CTNNA3: variants seen among roughly 807,000 people sequenced by gnomAD.
CTNNA3 encodes catenin alpha 3.
In CTNNA3, 76 loss-of-function variants were observed where a neutral mutation model predicts 95.7. The ratio of observed to expected loss-of-function variants is 0.79; its 90% CI spans 0.66 to 0.96. The LOEUF (loss-of-function observed/expected upper bound fraction) is 0.96. Among genes scored for constraint, CTNNA3 ranks in the 40% least tolerant of loss-of-function variants. The probability of loss-of-function intolerance (pLI) is 0.00; values close to 1 mark genes in which losing one functional copy is unlikely to be tolerated. For synonymous variants in CTNNA3, 431 were observed against 374.4 expected, an observed-to-expected ratio of 1.15 and a Z score of -1.74; for missense variants, 1,191 against 1,089.8, an observed-to-expected ratio of 1.09 and a Z score of -1.31.
Position 67,672,700 on chromosome 10 carries a change from T to G in CTNNA3, c.-6+23300A>C, listed in dbSNP as rs552562137. ...TGAGGCATTATTTCTGAGGGCTCTG[T>G]TCTGTTCCATTGGTCGATATCTCTG... On this transcript the variant is annotated intron_variant, in intron 1 of 17. Coordinates refer to ENST00000433211, the MANE Select transcript of CTNNA3 (RefSeq NM_013266.4). Among the ~76,000 whole-genome samples, 22 of 152,320 alleles carry G rather than the reference T, an allele frequency of 1.4e-4. 1 individual carries two copies. The South Asian group carries it at 4.3e-3, about 30-fold the overall frequency.
chr10:66,989,251 T>G lies in CTNNA3; in HGVS notation c.1047+191066A>C, dbSNP rs149598254. On this transcript the variant is annotated intron_variant, in intron 7 of 17. Coordinates refer to ENST00000433211, the MANE Select transcript of CTNNA3 (RefSeq NM_013266.4). ...GCCCTCCTAGGGGTCAATATTTAACTCTTTAATTAATCAACTGTTATTTTA... is the reference window on the plus strand; with the variant it reads ...GCCCTCCTAGGGGTCAATATTTAACGCTTTAATTAATCAACTGTTATTTTA... Among the ~76,000 whole-genome samples the G allele has an allele frequency of 1.8e-3, 271 of 152,254 alleles. 3 individuals are homozygous for G. Among genetic ancestry groups the G allele is most frequent in the Non-Finnish European group, 4.3e-4 (29 of 68,012 alleles).
intron 11 of CTNNA3, among the ~76,000 whole-genome samples, chr10:66,488,612 G>A (rs920269577): frequency 2.0e-5 from 3 of 152,138 alleles, no homozygotes; most frequent in African/African-American, 7.2e-5. Flanking sequence ...TCCCTACAGT[G>A]CAGCATAAAC....
intron 7 of CTNNA3, among the ~76,000 whole-genome samples, chr10:66,971,166 G>A (rs565577996): frequency 2.0e-5 from 3 of 152,218 alleles, no homozygotes; most frequent in African/African-American, 4.8e-5. Flanking sequence ...GGTGGCTCAC[G>A]CCTGTAATCC....
rs565015864 is a variant in CTNNA3, at chr10:67,747,625, G to A, written c.-2+15809C>T. 8.5e-4 allele frequency among the ~76,000 whole-genome samples: 129 copies of A among 152,270 alleles called. 1 individual carries two copies. The highest frequency in any genetic ancestry group is 2.9e-3 in the African/African-American group (119 of 41,554). ...CCAAAGGTCAGCAGCCTCAAAGATC[G>A]AAACTAGACAACTCATGAAGATGAG... On this transcript the variant is annotated intron_variant, in intron 1 of 17. Coordinates refer to the CTNNA3 transcript ENST00000684154.
chr10:66,493,870 G>T (rs1276767779), intron 11 of CTNNA3, among the ~76,000 whole-genome samples: 3 of 148,982 alleles, frequency 2.0e-5, no homozygotes, highest in Non-Finnish European at 4.4e-5. Flanking sequence ...CTCCCAAAGT[G>T]CTGGGATTAC....
At chr10:67,540,833 T>C (rs1239936000) in intron 3 of CTNNA3, among the ~76,000 whole-genome samples, 2 of 152,038 alleles carry the variant, frequency 1.3e-5, no homozygotes, top group African/African-American at 4.8e-5. Context: ...GGGAAACAGA[T>C]GACCAGGAGG....
intron 10 of CTNNA3, among the ~76,000 whole-genome samples, chr10:66,603,311 T>TA (rs959405686): frequency 9.9e-5 from 15 of 151,504 alleles, no homozygotes; most frequent in Non-Finnish European, 1.6e-4. Flanking sequence ...AATCTGAAAA[T>TA]AAAAAACAAG....
At chr10:66,915,884 G>A (rs2132580416) in intron 7 of CTNNA3, among the ~76,000 whole-genome samples, 1 of 151,944 alleles carries the variant, frequency 6.6e-6, no homozygotes, top group Non-Finnish European at 1.5e-5. Context: ...GAGTAGCTGG[G>A]ACTACAGGCG....
intron 13 of CTNNA3, among the ~76,000 whole-genome samples, chr10:66,224,029 T>A (rs2089124059): frequency 6.6e-6 from 1 of 152,018 alleles, no homozygotes; most frequent in African/African-American, 2.4e-5. Context: ...AGGCCCTGTC[T>A]CTAAAAAAAT....
intron 5 of CTNNA3, among the ~76,000 whole-genome samples, chr10:67,496,813 T>C (rs1839037820): frequency 6.6e-6 from 1 of 152,180 alleles, no homozygotes; most frequent in Non-Finnish European, 1.5e-5. Context: ...TAATATCTGT[T>C]GTCTATAATT....
At position 67,071,580 on chromosome 10, in the gene CTNNA3, C is replaced by T. The variant is rs547372867; in HGVS notation, c.1047+108737G>A. 5.3e-5 allele frequency among the ~76,000 whole-genome samples: 8 copies of T among 151,674 alleles called. No individual in the cohort carries two copies. The East Asian group carries it at 7.7e-4, about 15-fold the overall frequency. ...TTTTCAGCAGTTTTACTGAAATGTCCCTATGAATGTTTTTATTGTATTTAT... is the reference window on the plus strand; with the variant it reads ...TTTTCAGCAGTTTTACTGAAATGTCTCTATGAATGTTTTTATTGTATTTAT... On this transcript the variant is annotated intron_variant, in intron 7 of 17. Transcript: ENST00000433211.
chr10:66,402,495 T>C (rs998530960), intron 11 of CTNNA3, among the ~76,000 whole-genome samples: 1 of 152,188 alleles, frequency 6.6e-6, no homozygotes, highest in Non-Finnish European at 1.5e-5. Flanking sequence ...TTAATTACTT[T>C]GTAAATTATT....
intron 10 of CTNNA3, among the ~76,000 whole-genome samples, chr10:66,611,731 C>T (rs1215928051): frequency 1.3e-5 from 2 of 152,156 alleles, no homozygotes; most frequent in Non-Finnish European, 2.9e-5. Context: ...TGCTGAAATG[C>T]TCCCATTTGC....
chr10:66,159,514 T>A (rs1241934660), intron 13 of CTNNA3, among the ~76,000 whole-genome samples: 1 of 152,142 alleles, frequency 6.6e-6, no homozygotes, highest in Non-Finnish European at 1.5e-5. Context: ...ACCCACTTGA[T>A]CATGGTAGAT....
chr10:67,100,114 T>G (rs1858255128), intron 7 of CTNNA3, among the ~76,000 whole-genome samples: 1 of 151,772 alleles, frequency 6.6e-6, no homozygotes, highest in Non-Finnish European at 1.5e-5. Flanking sequence ...CTAGACACAT[T>G]CAAATTGATA....
chr10:67,644,013 T>G (rs192208066), intron 2 of CTNNA3, among the ~76,000 whole-genome samples: 14 of 152,304 alleles, frequency 9.2e-5, no homozygotes, highest in Admixed American at 9.2e-4. Flanking sequence ...TGTGTATTTA[T>G]AGTAGAATGA....
At chr10:67,521,343 C>G (rs978912967) in intron 5 of CTNNA3, among the ~76,000 whole-genome samples, 1 of 152,142 alleles carries the variant, frequency 6.6e-6, no homozygotes, top group Non-Finnish European at 1.5e-5. Flanking sequence ...AGTAAATCTT[C>G]CTTCAATCTT....
At chr10:66,878,415 C>T (rs1370050498) in intron 7 of CTNNA3, among the ~76,000 whole-genome samples, 1 of 152,108 alleles carries the variant, frequency 6.6e-6, no homozygotes, top group East Asian at 1.9e-4. Flanking sequence ...TAATTCAAAA[C>T]GTTTGTAAAT....
intron 3 of CTNNA3, among the ~76,000 whole-genome samples, chr10:67,585,039 C>T (rs1842578565): frequency 6.6e-6 from 1 of 152,236 alleles, no homozygotes; most frequent in South Asian, 2.1e-4. Context: ...CCCCGCCCTG[C>T]TTCAGCTCAC....
Sources: gnomAD v4.1 joint callset for allele counts (sites outside exome capture counted in the v4.1 genomes callset) on GRCh38, gnomAD v4.1.1 for gene constraint, MANE v1.5 for transcripts, NCBI Gene and HGNC (gene_info 2026-07-23, HGNC 2026-07-21) for gene names.